ADSS2: variants seen among roughly 807,000 people sequenced by gnomAD.
The protein encoded by ADSS2 is adenylosuccinate synthase 2, also known as adenylosuccinate synthetase isozyme 2.
A neutral mutation model predicts 60.0 loss-of-function variants in ADSS2; 30 were observed. The observed-to-expected ratio is 0.50, with a 90% CI of 0.37 to 0.68. The LOEUF (loss-of-function observed/expected upper bound fraction) is 0.68. Among genes scored for constraint, ADSS2 ranks in the 30% least tolerant of loss-of-function variants. The probability of loss-of-function intolerance (pLI) is 0.00; values close to 1 mark genes in which losing one functional copy is unlikely to be tolerated. For missense variants in ADSS2, 373 were observed against 554.8 expected (o/e 0.67, Z 3.29); for synonymous variants, 187 against 193.1 (o/e 0.97, Z 0.26).
At chr1:244,430,771 A>G (rs1052194666) in intron 4 of ADSS2, among the ~76,000 whole-genome samples, 2 of 152,226 alleles carry the variant, frequency 1.3e-5, no homozygotes, top group African/African-American at 4.8e-5. Context: ...AATGCTACAA[A>G]AGTACTTCAC....
intron 1 of ADSS2, among the ~76,000 whole-genome samples, chr1:244,449,131 C>G (rs998393382): frequency 2.6e-5 from 4 of 152,230 alleles, no homozygotes; most frequent in Admixed American, 2.6e-4. Context: ...CTGAACAACA[C>G]AGGCCTTAAG....
intron 3 of ADSS2, 138 bp from the exon 4 acceptor site, chr1:244,432,733 G>A (rs1017252484): frequency 6.3e-6 from 3 of 479,552 alleles, no homozygotes; most frequent in African/African-American, 2.6e-5. Context: ...GTGTGATCTC[G>A]GCTCACTGCA....
chr1:244,418,219 C>T lies in ADSS2; in HGVS notation c.946-467G>A, dbSNP rs150112873. On this transcript the variant is annotated intron_variant, in intron 9 of 12. Coordinates refer to ENST00000366535, the MANE Select transcript of ADSS2 (RefSeq NM_001126.5). ...CCCTACAACTTGTTTTTCCTATGAT[C>T]TACCGAAGTCCTTGATTTGCCCCTT... Among the ~76,000 whole-genome samples, 1,127 of 152,304 alleles carry T rather than the reference C, an allele frequency of 7.4e-3. 9 individuals are homozygous for T. Among genetic ancestry groups the T allele is most frequent in the Non-Finnish European group, 0.012 (818 of 68,026 alleles).
intron 11 of ADSS2, among the ~76,000 whole-genome samples, chr1:244,412,849 A>G (rs1369724459): frequency 1.3e-5 from 2 of 152,158 alleles, no homozygotes; most frequent in Non-Finnish European, 2.9e-5. Context: ...GGTCTGCAAA[A>G]GGTCCCATTA....
intron 3 of ADSS2, among the ~76,000 whole-genome samples, chr1:244,433,135 C>T (rs1001183463): frequency 6.6e-6 from 1 of 152,040 alleles, no homozygotes; most frequent in East Asian, 1.9e-4. Flanking sequence ...ACTCGGGTAG[C>T]TGTGGCACGA....
chr1:244,417,833 G>C (rs578179581), intron 9 of ADSS2, 81 bp from the exon 10 acceptor site: 16 of 1,317,626 alleles, frequency 1.2e-5, no homozygotes, highest in Admixed American at 6.9e-5. Context: ...AGAGATCATA[G>C]CAAAGCCTCT....
intron 3 of ADSS2, among the ~76,000 whole-genome samples, chr1:244,434,291 G>C (rs537290338): frequency 5.9e-5 from 9 of 151,948 alleles, no homozygotes; most frequent in Admixed American, 5.2e-4. Context: ...AGAAGGTAGA[G>C]GCTCACTACT....
rs58140416 is a variant in ADSS2 at position 244,448,286 on chromosome 1, T to C, written c.183+3349A>G. On this transcript the variant is annotated intron_variant, in intron 1 of 12. Coordinates refer to ENST00000366535, the MANE Select transcript of ADSS2 (RefSeq NM_001126.5). ...AGAAAGTTTTAGTTTGCTGCTGATATGTCTTTTATGCTTCTTTAACACTAA... is the reference window on the plus strand; with the variant it reads ...AGAAAGTTTTAGTTTGCTGCTGATACGTCTTTTATGCTTCTTTAACACTAA... Among the ~76,000 whole-genome samples the C allele has an allele frequency of 9.1e-4, 139 of 152,342 alleles. 1 individual carries two copies. The highest frequency in any genetic ancestry group is 3.4e-3 in the Middle Eastern group (1 of 294).
chr1:244,429,204 G>A (rs1332854631), intron 4 of ADSS2, among the ~76,000 whole-genome samples: 1 of 152,170 alleles, frequency 6.6e-6, no homozygotes, highest in East Asian at 1.9e-4. Context: ...GAAATCACTT[G>A]CCAGAGGATC....
chr1:244,420,148 C>T, intron 8 of ADSS2, 22 bp downstream of exon 8: 1 of 1,609,428 alleles, frequency 6.2e-7, no homozygotes, highest in Non-Finnish European at 8.5e-7. Flanking sequence ...GCTCCCTTAA[C>T]TATAAGTCAT....
intron 2 of ADSS2, among the ~76,000 whole-genome samples, chr1:244,437,427 T>C (rs1442522786): frequency 6.6e-6 from 1 of 152,170 alleles, no homozygotes; most frequent in Non-Finnish European, 1.5e-5. Flanking sequence ...AGAATTAAGA[T>C]TGTCAGTGAG....
chr1:244,412,471 A>G (rs1017919942), intron 11 of ADSS2, among the ~76,000 whole-genome samples: 4 of 152,208 alleles, frequency 2.6e-5, no homozygotes, highest in East Asian at 1.9e-4. Context: ...GAGGACTGCC[A>G]CTGGGGTACA....
intron 3 of ADSS2, among the ~76,000 whole-genome samples, chr1:244,433,354 A>T (rs1664997438): frequency 6.6e-6 from 1 of 152,232 alleles, no homozygotes. Flanking sequence ...CATTCATTCC[A>T]TACATAAATT....
At chr1:244,420,140 T>C (rs766784410) in intron 8 of ADSS2, 30 bp downstream of exon 8, 7 of 1,596,740 alleles carry the variant, frequency 4.4e-6, no homozygotes, top group Non-Finnish European at 5.1e-6. Flanking sequence ...TCAGTTAAGC[T>C]CCCTTAACTA....
At chr1:244,423,073 G>A (rs1438703939) in intron 6 of ADSS2, among the ~76,000 whole-genome samples, 157 bp from the exon 7 acceptor site, 10 of 152,082 alleles carry the variant, frequency 6.6e-5, no homozygotes, top group Admixed American at 6.6e-4. Flanking sequence ...TTTAATAAAG[G>A]AGATCAGCCA....
At chr1:244,439,177 C>T (rs1198558344) in intron 1 of ADSS2, among the ~76,000 whole-genome samples, 1 of 152,166 alleles carries the variant, frequency 6.6e-6, no homozygotes, top group African/African-American at 2.4e-5. Flanking sequence ...GCTTACTTCA[C>T]GTAACATAAT....
At chr1:244,435,773 T>TA (rs1665084900) in intron 3 of ADSS2, among the ~76,000 whole-genome samples, 1 of 152,246 alleles carries the variant, frequency 6.6e-6, no homozygotes, top group African/African-American at 2.4e-5. Context: ...CACAAGTACT[T>TA]AACAGTCAAA....
chr1:244,449,982 A>G (rs1176320620), intron 1 of ADSS2, among the ~76,000 whole-genome samples: 1 of 152,252 alleles, frequency 6.6e-6, no homozygotes, highest in Non-Finnish European at 1.5e-5. Flanking sequence ...ATCCTTTAGA[A>G]TAAATACCAT....
intron 4 of ADSS2, among the ~76,000 whole-genome samples, chr1:244,429,797 G>A (rs944671508): frequency 2.0e-5 from 3 of 152,020 alleles, no homozygotes; most frequent in South Asian, 2.1e-4. Context: ...CACGAGAATC[G>A]CTTGAACCCA....
Sources: allele counts gnomAD v4.1 joint callset (sites outside exome capture counted in the v4.1 genomes callset), GRCh38; gene constraint gnomAD v4.1.1; transcripts MANE v1.5; gene names NCBI Gene and HGNC (gene_info 2026-07-23, HGNC 2026-07-21).